PDE1C: variants seen among roughly 807,000 people sequenced by gnomAD.
PDE1C encodes the protein phosphodiesterase 1C.
PDE1C carries 62 observed loss-of-function variants against 93.1 expected under a neutral mutation model. The ratio of observed to expected loss-of-function variants is 0.67; its 90% confidence interval spans 0.54 to 0.82. The LOEUF is 0.82. Ranked by LOEUF, PDE1C falls within the 40% of genes least tolerant of loss-of-function variation. PDE1C has a pLI of 0.00. For missense variants in PDE1C, 742 were observed against 884.6 expected, an observed-to-expected ratio of 0.84 and a Z score of 2.04; for synonymous variants, 325 against 310.1, an observed-to-expected ratio of 1.05 and a Z score of -0.50.
At chr7:31,806,865 A>C (rs1046511135) in intron 16 of PDE1C, among the ~76,000 whole-genome samples, 1 of 151,950 alleles carries the variant, frequency 6.6e-6, no homozygotes, top group Admixed American at 6.6e-5. Flanking sequence ...AGGATCCAAA[A>C]AGAAATGTTC....
rs76852662 is a variant in PDE1C at position 31,888,995 on chromosome 7, T to C, written c.129-8135A>G. Among the ~76,000 whole-genome samples, 1,192 of 152,270 alleles carry C rather than the reference T, an allele frequency of 7.8e-3. 19 individuals are homozygous for C. The highest frequency in any genetic ancestry group is 0.027 in the African/African-American group (1,119 of 41,542). On this transcript the variant is annotated intron_variant, in intron 2 of 17. Coordinates refer to ENST00000396191, the MANE Select transcript of PDE1C (RefSeq NM_001191057.4). Reference sequence around the variant, plus strand: ...CTACATGGAAAATGGTAAGATATTATTGAGAGAAGTTTAAATGACCTAAAT... The same window carrying C: ...CTACATGGAAAATGGTAAGATATTACTGAGAGAAGTTTAAATGACCTAAAT...
At chr7:31,995,222 C>T (rs1784574864) in intron 2 of PDE1C, among the ~76,000 whole-genome samples, 1 of 152,106 alleles carries the variant, frequency 6.6e-6, no homozygotes, top group Non-Finnish European at 1.5e-5. Context: ...TAGCTACTGC[C>T]CAAAGGGTTC....
At chr7:31,886,384 G>A (rs1797879897) in intron 2 of PDE1C, among the ~76,000 whole-genome samples, 1 of 152,120 alleles carries the variant, frequency 6.6e-6, no homozygotes, top group African/African-American at 2.4e-5. Flanking sequence ...GCATTTTTCT[G>A]GCCATTGTTT....
rs191011163 is a variant in PDE1C at position 32,208,628 on chromosome 7, A to C, written c.136+861T>G. ...GTGAGGCAGTGATAAATCCGTTTCTATTTACAGTTGTACGATTTCTCCACC... is the reference window on the plus strand; with the variant it reads ...GTGAGGCAGTGATAAATCCGTTTCTCTTTACAGTTGTACGATTTCTCCACC... On this transcript the variant is annotated intron_variant, in intron 2 of 18. Transcript: ENST00000396193. 5.5e-4 allele frequency among the ~76,000 whole-genome samples: 84 copies of C among 152,108 alleles called. 1 individual carries two copies. The highest frequency in any genetic ancestry group is 1.8e-3 in the African/African-American group (74 of 41,392).
chr7:31,670,200 T>C, the PDE1C span, among the ~76,000 whole-genome samples: 1 of 152,184 alleles, frequency 6.6e-6, no homozygotes, highest in Non-Finnish European at 1.5e-5. Context: ...TTTGTTTGGA[T>C]TTGGGAACAT....
intron 3 of PDE1C, among the ~76,000 whole-genome samples, chr7:32,090,494 C>T (rs2392021): frequency 0.63 from 95,427 of 152,046 alleles, 30,291 homozygotes; most frequent in African/African-American, 0.71. Flanking sequence ...GGGGCCTCAG[C>T]ACCAATATCA....
intron 2 of PDE1C, among the ~76,000 whole-genome samples, chr7:31,940,442 C>G (rs1805664096): frequency 3.9e-5 from 6 of 152,156 alleles, no homozygotes; most frequent in Admixed American, 3.9e-4. Flanking sequence ...CATGATTCAT[C>G]CTCTTTTAGG....
chr7:32,194,122 G>A (rs1032102229), intron 2 of PDE1C, among the ~76,000 whole-genome samples: 4 of 151,962 alleles, frequency 2.6e-5, no homozygotes, highest in Admixed American at 6.6e-5. Context: ...CACCATGTTC[G>A]CCAGGATGGT....
At chr7:32,309,404 C>T (rs1372504894) in intron 1 of PDE1C, among the ~76,000 whole-genome samples, 1 of 152,130 alleles carries the variant, frequency 6.6e-6, no homozygotes, top group Non-Finnish European at 1.5e-5. Flanking sequence ...GAGAAAGCCA[C>T]AAAGATACTC....
intron 1 of PDE1C, among the ~76,000 whole-genome samples, chr7:32,063,449 C>T (rs948383790): frequency 6.6e-6 from 1 of 152,196 alleles, no homozygotes; most frequent in African/African-American, 2.4e-5. Context: ...AATGCAGAAA[C>T]CTCTCTGCTG....
chr7:32,426,278 T>C (rs1057166633), intron 1 of PDE1C, among the ~76,000 whole-genome samples: 7 of 148,746 alleles, frequency 4.7e-5, no homozygotes, highest in African/African-American at 1.7e-4. Context: ...TTTGTACTTT[T>C]TTTTTTTTTT....
chr7:32,034,907 A>T (rs1438245717), intron 2 of PDE1C, among the ~76,000 whole-genome samples: 1 of 152,196 alleles, frequency 6.6e-6, no homozygotes, highest in Non-Finnish European at 1.5e-5. Context: ...TAAAAATTAA[A>T]TAAGTGTGTA....
the PDE1C span, among the ~76,000 whole-genome samples, chr7:31,677,190 G>C: frequency 6.6e-6 from 1 of 152,010 alleles, no homozygotes; most frequent in Non-Finnish European, 1.5e-5. Flanking sequence ...ATAAGTGCTG[G>C]GATCAGATCT....
intron 2 of PDE1C, among the ~76,000 whole-genome samples, chr7:32,200,503 T>C (rs997362317): frequency 3.3e-5 from 5 of 152,182 alleles, no homozygotes; most frequent in African/African-American, 1.2e-4. Flanking sequence ...TGATCTCTCT[T>C]TTATTAGAAA....
At chr7:32,394,454 G>T (rs1784805369) in intron 1 of PDE1C, among the ~76,000 whole-genome samples, 1 of 152,160 alleles carries the variant, frequency 6.6e-6, no homozygotes, top group Non-Finnish European at 1.5e-5. Flanking sequence ...TAATGGCTGG[G>T]TGCCATTCTC....
At chr7:32,253,980 C>T (rs902103052) in intron 1 of PDE1C, among the ~76,000 whole-genome samples, 7 of 152,014 alleles carry the variant, frequency 4.6e-5, no homozygotes, top group Non-Finnish European at 5.9e-5. Flanking sequence ...ATTTGGAAAA[C>T]GTAGGCAGCT....
chr7:32,176,371 G>T (rs1802987463), intron 2 of PDE1C, among the ~76,000 whole-genome samples: 1 of 151,970 alleles, frequency 6.6e-6, no homozygotes, highest in Admixed American at 6.6e-5. Flanking sequence ...GTTTATTTTT[G>T]CAAAAGACAA....
At chr7:32,015,167 A>G (rs1787716389) in intron 2 of PDE1C, among the ~76,000 whole-genome samples, 1 of 152,116 alleles carries the variant, frequency 6.6e-6, no homozygotes, top group Admixed American at 6.5e-5. Context: ...CTCTCCAGTC[A>G]TGCTGAACTG....
chr7:32,039,172 CATTACCTTAAG>C (rs1791496178), intron 2 of PDE1C, among the ~76,000 whole-genome samples: 1 of 152,112 alleles, frequency 6.6e-6, no homozygotes, highest in African/African-American at 2.4e-5. Context: ...GCACTGTTTG[CATTACCTTAAG>C]GGTTAACCTA....
Sources: allele counts gnomAD v4.1 joint callset (sites outside exome capture counted in the v4.1 genomes callset), GRCh38; gene constraint gnomAD v4.1.1; transcripts MANE v1.5; gene names NCBI Gene and HGNC (gene_info 2026-07-23, HGNC 2026-07-21).